Variants in SPAG6 observed in about 807,000 individuals in gnomAD.
SPAG6 encodes the protein sperm-associated antigen 6.
A neutral mutation model predicts 58.5 loss-of-function variants in SPAG6; 49 were observed. The ratio of observed to expected loss-of-function variants is 0.84; its 90% CI spans 0.67 to 1.06. The LOEUF (loss-of-function observed/expected upper bound fraction) is 1.06. SPAG6 is among the 50% of genes least tolerant of loss of function. The pLI is 0.00. For synonymous variants in SPAG6, 233 were observed against 225.6 expected (o/e 1.03, Z -0.29); for missense variants, 560 against 611.3 (o/e 0.92, Z 0.89).
At chr10:22,369,810 C>T (rs1335869642) in intron 4 of SPAG6, among the ~76,000 whole-genome samples, 2 of 152,028 alleles carry the variant, frequency 1.3e-5, no homozygotes, top group African/African-American at 2.4e-5. Flanking sequence ...TCAGAGTGGA[C>T]GATATGACGT....
chr10:22,395,548 G>A (rs922409702), intron 8 of SPAG6, among the ~76,000 whole-genome samples: 20 of 152,256 alleles, frequency 1.3e-4, no homozygotes, highest in Admixed American at 6.5e-4. Flanking sequence ...TGTCTATTCA[G>A]ACCCTTTGCT....
At chr10:22,388,441 G>T (rs1401727169) in intron 6 of SPAG6, among the ~76,000 whole-genome samples, 1 of 152,104 alleles carries the variant, frequency 6.6e-6, no homozygotes, top group African/African-American at 2.4e-5. Flanking sequence ...TGTCAGCTGG[G>T]AGTAGTGAGA....
intron 4 of SPAG6, among the ~76,000 whole-genome samples, chr10:22,372,779 G>A (rs6482208): frequency 0.046 from 6,955 of 149,648 alleles, 528 homozygotes; most frequent in African/African-American, 0.16. Flanking sequence ...AAAAAAAAAA[G>A]TGTTTCTTTG....
chr10:22,403,213 C>T (rs999346452), intron 9 of SPAG6, among the ~76,000 whole-genome samples: 5 of 151,960 alleles, frequency 3.3e-5, no homozygotes, highest in Admixed American at 6.6e-5. Flanking sequence ...ATACATGTGC[C>T]GTGCTGGTGC....
chr10:22,413,127 C>A (rs1588569186), intron 10 of SPAG6: 1 of 136,168 alleles, frequency 7.3e-6, no homozygotes, highest in Non-Finnish European at 1.5e-5. Flanking sequence ...CTATTAGAAT[C>A]AACCAATGGT....
intron 4 of SPAG6, among the ~76,000 whole-genome samples, chr10:22,373,156 A>G (rs1833738329): frequency 6.6e-6 from 1 of 152,048 alleles, no homozygotes. Flanking sequence ...GCTCTGTGGC[A>G]GTTGGGAGAT....
At chr10:22,410,305 A>T (rs1220393226) in intron 9 of SPAG6, among the ~76,000 whole-genome samples, 1 of 152,232 alleles carries the variant, frequency 6.6e-6, no homozygotes, top group Non-Finnish European at 1.5e-5. Context: ...TTCTGCCTTC[A>T]GTGACATTGT....
At chr10:22,357,698 AG>A (rs1375411273) in intron 2 of SPAG6, among the ~76,000 whole-genome samples, 1 of 151,048 alleles carries the variant, frequency 6.6e-6, no homozygotes, top group African/African-American at 2.4e-5. Context: ...CTCATCATTT[AG>A]CATTAGGTAT....
chr10:22,374,729 T>C (rs1337909628), intron 4 of SPAG6, among the ~76,000 whole-genome samples: 1 of 151,950 alleles, frequency 6.6e-6, no homozygotes, highest in African/African-American at 2.4e-5. Flanking sequence ...TGAGCTATGA[T>C]TGTGCCACTG....
intron 2 of SPAG6, among the ~76,000 whole-genome samples, chr10:22,347,355 TACACAGACTA>T (rs1339242472): frequency 1.3e-5 from 2 of 152,218 alleles, no homozygotes; most frequent in Non-Finnish European, 2.9e-5. Flanking sequence ...GTATTTCATA[TACACAGACTA>T]ACACAGACTA....
At chr10:22,388,796 A>G (rs1249494728) in intron 6 of SPAG6, among the ~76,000 whole-genome samples, 5 of 152,176 alleles carry the variant, frequency 3.3e-5, no homozygotes, top group Non-Finnish European at 5.9e-5. Flanking sequence ...GTCTTTCACC[A>G]TTCAGTGATT....
At chr10:22,396,474 A>G (rs770756670) in intron 8 of SPAG6, among the ~76,000 whole-genome samples, 8 of 152,106 alleles carry the variant, frequency 5.3e-5, no homozygotes, top group Non-Finnish European at 1.0e-4. Flanking sequence ...TTTCTTCCCC[A>G]TGTCGGGTAT....
At chr10:22,360,437 G>C (rs1282834924) in intron 2 of SPAG6, among the ~76,000 whole-genome samples, 2 of 144,526 alleles carry the variant, frequency 1.4e-5, no homozygotes, top group Non-Finnish European at 3.0e-5. Flanking sequence ...TTCAAGACCA[G>C]CCTGGGCAAC....
At chr10:22,353,918 A>T (rs1434214431) in intron 2 of SPAG6, among the ~76,000 whole-genome samples, 2 of 152,228 alleles carry the variant, frequency 1.3e-5, no homozygotes, top group Non-Finnish European at 2.9e-5. Context: ...TTATGTGTAA[A>T]GGCACAAAGA....
intron 9 of SPAG6, among the ~76,000 whole-genome samples, chr10:22,405,500 G>T (rs1834529204): frequency 1.3e-5 from 2 of 149,308 alleles, no homozygotes; most frequent in Non-Finnish European, 3.0e-5. Flanking sequence ...CTTGATCATG[G>T]TGGATAAGCT....
intron 9 of SPAG6, among the ~76,000 whole-genome samples, chr10:22,406,154 T>C (rs1004949807): frequency 7.2e-5 from 11 of 152,266 alleles, no homozygotes; most frequent in East Asian, 1.9e-4. Context: ...CTGCTCTGAT[T>C]TTAGTTATTT....
chr10:22,388,078 T>A, intron 6 of SPAG6, 82 bp downstream of exon 6: 1 of 1,135,016 alleles, frequency 8.8e-7, no homozygotes, highest in Non-Finnish European at 1.2e-6. Flanking sequence ...TTATAGGGCC[T>A]AGGGGTTGTG....
rs563236234 is a variant in SPAG6 at position 22,409,653 on chromosome 10, T to C, written c.1315-1378T>C. ...AAGGACAAGTGAAAAGAGCTGGTCC[T>C]TGCAGAAGGAACAAGATCAGAAAAA... is the stretch of plus-strand genomic sequence containing the variant. On this transcript the variant is annotated intron_variant, in intron 9 of 10. Transcript: ENST00000376624. Among the ~76,000 whole-genome samples, 14 of 152,282 alleles carry C rather than the reference T, an allele frequency of 9.2e-5. No homozygotes were observed. In the East Asian group the frequency reaches 2.5e-3, roughly 27 times the overall value.
intron 4 of SPAG6, among the ~76,000 whole-genome samples, chr10:22,375,744 A>G (rs1252011439): frequency 2.0e-5 from 3 of 151,828 alleles, no homozygotes; most frequent in Non-Finnish European, 4.4e-5. Flanking sequence ...ATGCCTGGCT[A>G]ATTTTTGTAT....
Sources: allele counts gnomAD v4.1 joint callset (sites outside exome capture counted in the v4.1 genomes callset), GRCh38; gene constraint gnomAD v4.1.1; transcripts MANE v1.5; gene names NCBI Gene and HGNC (gene_info 2026-07-23, HGNC 2026-07-21).